The following RBMS3 variants were observed in gnomAD, a reference collection of about 807,000 sequenced individuals.
RBMS3 encodes RNA binding motif single stranded interacting protein 3.
In RBMS3, 27 loss-of-function variants were observed where a neutral mutation model predicts 66.8. The ratio of observed to expected loss-of-function variants is 0.40; its 90% CI spans 0.30 to 0.56. The LOEUF is 0.56. Among genes scored for constraint, RBMS3 ranks in the 20% least tolerant of loss-of-function variants. The pLI, the probability that RBMS3 is intolerant of heterozygous loss-of-function variation, is 0.40. For synonymous variants in RBMS3, 188 were observed against 183.0 expected, an observed-to-expected ratio of 1.03 and a Z score of -0.22; for missense variants, 513 against 549.5, an observed-to-expected ratio of 0.93 and a Z score of 0.66.
At chr3:29,737,134 G>C (rs2054417885) in intron 4 of RBMS3, among the ~76,000 whole-genome samples, 2 of 151,936 alleles carry the variant, frequency 1.3e-5, no homozygotes, top group African/African-American at 4.8e-5. Context: ...CCGCCACCAG[G>C]CTGTCTAACT....
chr3:29,717,338 G>T (rs2053440540), intron 4 of RBMS3, among the ~76,000 whole-genome samples: 2 of 152,024 alleles, frequency 1.3e-5, no homozygotes, highest in Non-Finnish European at 1.5e-5. Context: ...TTTGTTTCTT[G>T]CCACACGTTC....
At chr3:29,754,156 G>A (rs1041252124) in intron 5 of RBMS3, among the ~76,000 whole-genome samples, 14 of 151,972 alleles carry the variant, frequency 9.2e-5, no homozygotes, top group African/African-American at 3.4e-4. Context: ...GTTTCACCAT[G>A]TTGGCCAGGC....
chr3:29,847,073 G>T (rs2058800338), intron 6 of RBMS3, among the ~76,000 whole-genome samples: 1 of 152,180 alleles, frequency 6.6e-6, no homozygotes, highest in Non-Finnish European at 1.5e-5. Context: ...AAATACATTT[G>T]TCATTTCAGG....
intron 2 of RBMS3, among the ~76,000 whole-genome samples, chr3:29,483,129 C>T (rs1173651520): frequency 1.5e-5 from 2 of 129,944 alleles, no homozygotes; most frequent in Middle Eastern, 3.7e-3. Flanking sequence ...CACGGTGAAA[C>T]CCTGTCTCTA....
intron 6 of RBMS3, among the ~76,000 whole-genome samples, chr3:29,796,593 A>G (rs528418203): frequency 6.6e-6 from 1 of 152,188 alleles, no homozygotes; most frequent in Non-Finnish European, 1.5e-5. Context: ...TCCATGGGCT[A>G]CAGAATGGAT....
At chr3:29,606,753 C>T (rs1418348858) in intron 4 of RBMS3, among the ~76,000 whole-genome samples, 1 of 151,938 alleles carries the variant, frequency 6.6e-6, no homozygotes, top group Non-Finnish European at 1.5e-5. Flanking sequence ...TTTGTTTATT[C>T]ATTCTTTTAT....
intron 6 of RBMS3, among the ~76,000 whole-genome samples, chr3:29,791,729 A>G (rs2057019592): frequency 6.6e-6 from 1 of 152,194 alleles, no homozygotes. Context: ...CTCTTGTAGA[A>G]CATCCTGACA....
chr3:29,982,628 G>T (rs1698071953), intron 12 of RBMS3, among the ~76,000 whole-genome samples: 1 of 152,050 alleles, frequency 6.6e-6, no homozygotes. Flanking sequence ...TGTTCTCATT[G>T]GTTCAAAGAA....
intron 8 of RBMS3, among the ~76,000 whole-genome samples, chr3:29,890,605 G>A (rs998984625): frequency 9.2e-5 from 14 of 151,484 alleles, no homozygotes; most frequent in African/African-American, 3.1e-4. Context: ...CTATAGTACA[G>A]TCTAAAATTA....
chr3:29,901,674 A>AT (rs1235924928), intron 10 of RBMS3, among the ~76,000 whole-genome samples: 2 of 151,536 alleles, frequency 1.3e-5, no homozygotes, highest in Non-Finnish European at 2.9e-5. Flanking sequence ...GTCCTTTTAG[A>AT]TTTTCCTTGC....
At position 29,831,665 on chromosome 3, in the gene RBMS3, C is replaced by T. The variant is rs577978619; in HGVS notation, c.638-37193C>T. 8.5e-5 allele frequency among the ~76,000 whole-genome samples: 13 copies of T among 152,174 alleles called. No individual in the cohort carries two copies. In the South Asian group the frequency reaches 2.3e-3, roughly 27 times the overall value. On this transcript the variant is annotated intron_variant, in intron 6 of 14. Coordinates refer to ENST00000383767, the MANE Select transcript of RBMS3 (RefSeq NM_001003793.3). The stretch of plus-strand genomic sequence containing the variant: ...CAAATATTTCAAAATTCATCAAATA[C>T]TTTTACCAAAGAAAAGCAGAAATGT...
At chr3:29,578,545 A>T (rs937315569) in intron 3 of RBMS3, among the ~76,000 whole-genome samples, 3 of 152,134 alleles carry the variant, frequency 2.0e-5, no homozygotes, top group African/African-American at 7.2e-5. Flanking sequence ...TAAATGTGTG[A>T]CTGAAGAGCA....
chr3:29,516,486 G>A (rs1346761194), intron 3 of RBMS3, among the ~76,000 whole-genome samples: 2 of 152,074 alleles, frequency 1.3e-5, no homozygotes, highest in Admixed American at 1.3e-4. Context: ...TTTTGAGACA[G>A]AGTCTCACTC....
At chr3:29,349,334 C>T (rs1392396471) in intron 1 of RBMS3, among the ~76,000 whole-genome samples, 1 of 152,176 alleles carries the variant, frequency 6.6e-6, no homozygotes, top group African/African-American at 2.4e-5. Context: ...GACATTGATC[C>T]CTGGCTCCAA....
intron 4 of RBMS3, among the ~76,000 whole-genome samples, chr3:29,703,287 G>A (rs2052716848): frequency 6.6e-6 from 1 of 152,196 alleles, no homozygotes; most frequent in South Asian, 2.1e-4. Context: ...AAGACAGTAG[G>A]TATAAACCTT....
intron 6 of RBMS3, among the ~76,000 whole-genome samples, chr3:29,781,872 C>T (rs1485484768): frequency 1.3e-5 from 2 of 152,058 alleles, no homozygotes; most frequent in African/African-American, 2.4e-5. Flanking sequence ...GGCTTTCCCC[C>T]ACTTCCCTGG....
At chr3:29,484,988 G>A (rs2043268701) in intron 2 of RBMS3, among the ~76,000 whole-genome samples, 1 of 152,064 alleles carries the variant, frequency 6.6e-6, no homozygotes, top group Admixed American at 6.6e-5. Flanking sequence ...ATACACAGTG[G>A]GTGATTCAGC....
Position 29,925,332 on chromosome 3 carries a change from AT to A in RBMS3, c.940-10753del, listed in dbSNP as rs2060908823. 2.6e-5 allele frequency: 4 copies of A among 152,236 alleles called. No individual in the cohort carries two copies. In the Middle Eastern group the frequency reaches 0.014, roughly 518 times the overall value. The allele number at this position is 152,236 out of a possible 1,614,324, so 9.4% of individuals were successfully genotyped here. On this transcript the variant is annotated intron_variant, in intron 10 of 14. Coordinates refer to ENST00000383767, the MANE Select transcript of RBMS3 (RefSeq NM_001003793.3). ...CCATCTCTTCTAATGCTTGGCTGTC[AT>A]AGCTATTTCTAACTCACTGGTTAAG...
chr3:29,534,569 G>C (rs906250254), intron 3 of RBMS3, among the ~76,000 whole-genome samples: 2 of 152,128 alleles, frequency 1.3e-5, no homozygotes, highest in Admixed American at 1.3e-4. Context: ...TTTCCTAAAG[G>C]TTCTTTACAC....
Sources: allele counts gnomAD v4.1 joint callset (sites outside exome capture counted in the v4.1 genomes callset), GRCh38; gene constraint gnomAD v4.1.1; transcripts MANE v1.5; gene names NCBI Gene and HGNC (gene_info 2026-07-23, HGNC 2026-07-21).